COPB1: variants seen among roughly 807,000 people sequenced by gnomAD.
The protein encoded by COPB1 is coatomer subunit beta.
COPB1 carries 21 observed loss-of-function variants against 108.7 expected under a neutral mutation model. The ratio of observed to expected loss-of-function variants is 0.19; its 90% CI spans 0.14 to 0.28. The LOEUF is 0.28. Ranked by LOEUF, COPB1 falls within the 10% of genes least tolerant of loss-of-function variation. COPB1 has a pLI of 1.00. For synonymous variants in COPB1, 378 were observed against 386.8 expected (o/e 0.98, Z 0.27); for missense variants, 919 against 1,141.3 (o/e 0.81, Z 2.81).
At chr11:14,477,938 G>A (rs895919350) in intron 11 of COPB1, among the ~76,000 whole-genome samples, 3 of 150,250 alleles carry the variant, frequency 2.0e-5, no homozygotes, top group Non-Finnish European at 3.0e-5. Context: ...TCCAGGAGGC[G>A]GAGGTTGCAA....
chr11:14,483,228 CCACACACACACA>C (rs3217599), intron 7 of COPB1, 77 bp from the exon 8 acceptor site: 27 of 503,768 alleles, frequency 5.4e-5, no homozygotes, highest in South Asian at 4.6e-4. Context: ...CGCGCGCACA[CCACACACACACA>C]CACACACACA....
Position 14,471,237 on chromosome 11 carries a change from T to A in COPB1, c.1738-1674A>T, listed in dbSNP as rs190558795. On this transcript the variant is annotated intron_variant, in intron 14 of 21. Coordinates refer to ENST00000439561, the MANE Select transcript of COPB1 (RefSeq NM_001144061.2). ...TAGTCCTACACAAAGAAATGAAGAG[T>A]GTTGGAAATGGCATAAATGAAGGAG... Among the ~76,000 whole-genome samples, 27 of 151,896 alleles carry A rather than the reference T, an allele frequency of 1.8e-4. 1 individual carries two copies. In the East Asian group the frequency reaches 5.2e-3, roughly 29 times the overall value.
chr11:14,477,351 C>T (rs544088317), intron 11 of COPB1, among the ~76,000 whole-genome samples: 77 of 120,588 alleles, frequency 6.4e-4, no homozygotes, highest in African/African-American at 2.2e-3. Flanking sequence ...GATCGCGCCA[C>T]TGCACTCCAG....
intron 14 of COPB1, among the ~76,000 whole-genome samples, chr11:14,470,409 T>C (rs923261003): frequency 6.6e-5 from 10 of 152,220 alleles, no homozygotes; most frequent in Admixed American, 4.6e-4. Flanking sequence ...ATCTTTATAC[T>C]GCACCAATCA....
chr11:14,485,359 GTCTC>G (rs1850747357), intron 7 of COPB1, among the ~76,000 whole-genome samples: 1 of 152,026 alleles, frequency 6.6e-6, no homozygotes, highest in Non-Finnish European at 1.5e-5. Flanking sequence ...TACAGATAGA[GTCTC>G]TCTTTGTTGC....
At chr11:14,496,025 T>C (rs961545410) in intron 2 of COPB1, among the ~76,000 whole-genome samples, 4 of 152,170 alleles carry the variant, frequency 2.6e-5, no homozygotes, top group Non-Finnish European at 4.4e-5. Context: ...AGAAACCTAG[T>C]ATTAAGTAAC....
intron 6 of COPB1, among the ~76,000 whole-genome samples, chr11:14,488,245 C>T (rs185476462): frequency 2.0e-5 from 3 of 152,278 alleles, no homozygotes; most frequent in African/African-American, 4.8e-5. Context: ...TGTGCAGCTA[C>T]ACTGGCTCAA....
intron 10 of COPB1, among the ~76,000 whole-genome samples, chr11:14,480,063 CAA>C (rs1850628235): frequency 6.6e-6 from 1 of 152,160 alleles, no homozygotes; most frequent in East Asian, 1.9e-4. Flanking sequence ...CTAGCCCTCC[CAA>C]AGTGCTCGAA....
chr11:14,469,471 C>G lies in COPB1; in HGVS notation c.1830G>C (p.Val610=). The change falls in exon 15 of 22, where the codon GTG becomes GTC. Residue 610 remains valine, a synonymous_variant. Coordinates refer to ENST00000439561, the MANE Select transcript of COPB1 (RefSeq NM_001144061.2). ...CCTTGAGGCACAGGGAAATTCGATC[C>G]ACATCATCATCAGTAATTGGCTTCT... ...LPKKPITDDD[V]DRISLCLKVL... is the part of the protein sequence containing the mutation. 1 of 1,614,096 alleles carries G rather than the reference C, an allele frequency of 6.2e-7. No homozygotes were observed. Among genetic ancestry groups the G allele is most frequent in the African/African-American group, 1.3e-5 (1 of 75,000 alleles).
chr11:14,470,728 C>T (rs1481616010), intron 14 of COPB1, among the ~76,000 whole-genome samples: 2 of 151,976 alleles, frequency 1.3e-5, no homozygotes, highest in East Asian at 1.9e-4. Flanking sequence ...AAAAAAAAAT[C>T]CGAGGAAATG....
intron 7 of COPB1, 123 bp downstream of exon 7, chr11:14,486,244 A>T (rs1365436093): frequency 5.2e-6 from 6 of 1,159,302 alleles, no homozygotes; most frequent in East Asian, 2.3e-5. Context: ...AAATAATTTT[A>T]TAAGTTTGTA....
intron 21 of COPB1, 89 bp from the exon 22 acceptor site, chr11:14,457,972 A>G (rs909916954): frequency 5.7e-6 from 4 of 695,788 alleles, no homozygotes; most frequent in Middle Eastern, 4.1e-4. Context: ...ATTCAATTCA[A>G]TGACACCATT....
intron 18 of COPB1, among the ~76,000 whole-genome samples, chr11:14,462,308 C>A (rs1479867531): frequency 6.6e-6 from 1 of 151,166 alleles, no homozygotes; most frequent in Non-Finnish European, 1.5e-5. Context: ...TCTCAGCTCA[C>A]TGCAACCTCC....
At chr11:14,488,625 T>C (rs772282240) in intron 5 of COPB1, 41 bp from the exon 6 acceptor site, 45 of 1,340,546 alleles carry the variant, frequency 3.4e-5, no homozygotes, top group Non-Finnish European at 4.6e-5. Context: ...TCCACCTCAT[T>C]CAATAGAAGG....
At chr11:14,458,493 T>C in intron 21 of COPB1, 39 bp downstream of exon 21, 1 of 1,554,450 alleles carries the variant, frequency 6.4e-7, no homozygotes. Context: ...CCCCCCTTTG[T>C]CAGTCCAGAG....
intron 14 of COPB1, 145 bp downstream of exon 14, chr11:14,474,350 T>C (rs779335770): frequency 1.6e-6 from 1 of 637,312 alleles, no homozygotes; most frequent in South Asian, 2.4e-5. Flanking sequence ...TAGAGTAATA[T>C]ATTACTGTGT....
intron 6 of COPB1, among the ~76,000 whole-genome samples, chr11:14,487,681 A>T (rs970536173): frequency 1.3e-5 from 2 of 151,146 alleles, no homozygotes; most frequent in African/African-American, 4.9e-5. Context: ...CCCAAAAAAA[A>T]CAAAAAACAA....
intron 13 of COPB1, among the ~76,000 whole-genome samples, chr11:14,475,190 C>G (rs946723960): frequency 6.6e-6 from 1 of 150,618 alleles, no homozygotes; most frequent in Admixed American, 6.6e-5. Flanking sequence ...TAGGGGCATA[C>G]GTAATTGCAG....
intron 2 of COPB1, among the ~76,000 whole-genome samples, chr11:14,495,681 C>T (rs1257948406): frequency 2.0e-5 from 3 of 152,046 alleles, no homozygotes; most frequent in African/African-American, 4.8e-5. Context: ...TTCTTAATGG[C>T]AAAAATATAC....
Sources: allele counts gnomAD v4.1 joint callset (sites outside exome capture counted in the v4.1 genomes callset), GRCh38; gene constraint gnomAD v4.1.1; transcripts MANE v1.5; gene names NCBI Gene and HGNC (gene_info 2026-07-23, HGNC 2026-07-21).